The following GRIK2 variants were observed in gnomAD, a reference collection of about 807,000 sequenced individuals.
GRIK2 encodes glutamate receptor ionotropic, kainate 2.
GRIK2 carries 32 observed loss-of-function variants against 100.3 expected under a neutral mutation model. That is an observed-to-expected ratio of 0.32 (90% CI 0.24 to 0.43). The LOEUF is 0.43. Ranked by LOEUF, GRIK2 falls within the 20% of genes least tolerant of loss-of-function variation. The pLI is 1.00. For missense variants in GRIK2, 843 were observed against 1,114.9 expected, an observed-to-expected ratio of 0.76 and a Z score of 3.47; for synonymous variants, 417 against 389.4, an observed-to-expected ratio of 1.07 and a Z score of -0.83.
chr6:101,477,711 A>G (rs185187983), intron 2 of GRIK2, among the ~76,000 whole-genome samples: 1 of 152,234 alleles, frequency 6.6e-6, no homozygotes, highest in Admixed American at 6.5e-5. Flanking sequence ...TAAGGTCACC[A>G]TCTGCCACAT....
intron 2 of GRIK2, among the ~76,000 whole-genome samples, chr6:101,597,185 G>A (rs537447754): frequency 6.6e-6 from 1 of 151,624 alleles, no homozygotes. Flanking sequence ...CTAAATATTG[G>A]GTATACATGA....
chr6:101,838,946 C>T (rs1227042655), intron 10 of GRIK2, among the ~76,000 whole-genome samples: 1 of 151,992 alleles, frequency 6.6e-6, no homozygotes. Context: ...AGCCACTGTG[C>T]CCAGAAATAC....
chr6:101,980,147 T>C (rs574760743), intron 14 of GRIK2, among the ~76,000 whole-genome samples: 347 of 152,098 alleles, frequency 2.3e-3, no homozygotes, highest in South Asian at 4.1e-3. Context: ...TTCTACATAG[T>C]GCTCTTCCAC....
At chr6:101,998,782 G>T (rs551854618) in intron 14 of GRIK2, among the ~76,000 whole-genome samples, 2 of 145,832 alleles carry the variant, frequency 1.4e-5, no homozygotes, top group South Asian at 2.2e-4. Flanking sequence ...TCACTTGAGC[G>T]TATATGTGTG....
intron 2 of GRIK2, among the ~76,000 whole-genome samples, chr6:101,451,118 G>A (rs986752566): frequency 6.6e-6 from 1 of 151,500 alleles, no homozygotes; most frequent in Non-Finnish European, 1.5e-5. Flanking sequence ...TAGATTAATC[G>A]TTGCACAGTC....
intron 2 of GRIK2, among the ~76,000 whole-genome samples, chr6:101,470,063 C>T (rs1448954062): frequency 6.6e-6 from 1 of 152,178 alleles, no homozygotes. Flanking sequence ...CTCTGTGGGG[C>T]CTTCCTATTG....
intron 2 of GRIK2, among the ~76,000 whole-genome samples, chr6:101,411,808 C>A (rs1775895143): frequency 6.6e-6 from 1 of 152,012 alleles, no homozygotes. Context: ...CACAACCAAC[C>A]CCATAGCCCA....
At chr6:101,682,666 A>G (rs1771364281) in intron 6 of GRIK2, 60 bp downstream of exon 6, 2 of 766,198 alleles carry the variant, frequency 2.6e-6, no homozygotes, top group Non-Finnish European at 4.5e-6. Flanking sequence ...TTTCAGATGA[A>G]AAATAGGTTT....
intron 14 of GRIK2, among the ~76,000 whole-genome samples, chr6:101,980,972 G>T (rs1328410227): frequency 1.4e-5 from 2 of 144,516 alleles, no homozygotes; most frequent in East Asian, 2.1e-4. Context: ...TGTTTTCTTG[G>T]ATCCCTACTT....
intron 14 of GRIK2, among the ~76,000 whole-genome samples, chr6:101,975,318 A>T (rs1309238158): frequency 6.6e-6 from 1 of 151,984 alleles, no homozygotes; most frequent in Non-Finnish European, 1.5e-5. Context: ...GGGGAAGTGT[A>T]GGGTGAAGAG....
chr6:102,056,792 A>G (rs1771482973), intron 16 of GRIK2, among the ~76,000 whole-genome samples: 1 of 151,952 alleles, frequency 6.6e-6, no homozygotes, highest in African/African-American at 2.4e-5. Flanking sequence ...TGGATACAGT[A>G]TTTGTACATT....
At chr6:101,635,851 A>G (rs1780980058) in intron 4 of GRIK2, among the ~76,000 whole-genome samples, 1 of 152,196 alleles carries the variant, frequency 6.6e-6, no homozygotes, top group South Asian at 2.1e-4. Flanking sequence ...TCAGGAAACA[A>G]CAGATGCTGG....
At chr6:101,973,262 G>A (rs981167727) in intron 14 of GRIK2, among the ~76,000 whole-genome samples, 4 of 151,772 alleles carry the variant, frequency 2.6e-5, no homozygotes, top group Non-Finnish European at 5.9e-5. Flanking sequence ...GTTGGATCTA[G>A]AATTCAGTAT....
intron 14 of GRIK2, among the ~76,000 whole-genome samples, chr6:102,027,444 T>A (rs1769762716): frequency 6.6e-6 from 1 of 151,248 alleles, no homozygotes; most frequent in Non-Finnish European, 1.5e-5. Context: ...CAAGATATTT[T>A]GGGTGTTGTA....
intron 13 of GRIK2, among the ~76,000 whole-genome samples, chr6:101,925,267 CG>C (rs377507658): frequency 6.6e-6 from 1 of 151,956 alleles, no homozygotes; most frequent in African/African-American, 2.4e-5. Context: ...ATTGCATGCT[CG>C]GAAGTGCATG....
At chr6:101,460,505 A>T (rs1393398975) in intron 2 of GRIK2, among the ~76,000 whole-genome samples, 3 of 152,212 alleles carry the variant, frequency 2.0e-5, no homozygotes, top group Admixed American at 6.5e-5. Context: ...ATGCATTCTT[A>T]TCATTAACAG....
chr6:101,416,549 A>G (rs970413298), intron 2 of GRIK2, among the ~76,000 whole-genome samples: 1 of 152,196 alleles, frequency 6.6e-6, no homozygotes, highest in Non-Finnish European at 1.5e-5. Flanking sequence ...CTTTAGGGAA[A>G]TGAAGTTGTT....
Position 101,859,416 on chromosome 6 carries a change from G to C in GRIK2, c.1447G>C (p.Val483Leu). The C allele has an allele frequency of 1.9e-6, 3 of 1,609,350 alleles. No homozygotes were observed. Among genetic ancestry groups the C allele is most frequent in the Non-Finnish European group, 2.6e-6 (3 of 1,175,820 alleles). ...ILGFTYEIRL[V>L]EDGKYGAQDD... The stretch of plus-strand genomic sequence containing the variant: ...TGGCTTTACATATGAAATTAGACTT[G>C]TGGAAGATGGGAAATATGGAGCCCA... The change falls in exon 11 of 17, where the codon GTG (valine) becomes CTG (leucine). Residue 483 changes from valine (V) to leucine (L), a missense_variant. This residue lies in a region of GRIK2 where 519 missense variants were observed against 643.8 expected (regional missense o/e 0.81). Coordinates refer to ENST00000369134, the MANE Select transcript of GRIK2 (RefSeq NM_021956.5).
chr6:101,682,719 T>G (rs1771368004), intron 6 of GRIK2, 113 bp downstream of exon 6: 1 of 532,390 alleles, frequency 1.9e-6, no homozygotes, highest in South Asian at 3.1e-5. Flanking sequence ...TAGTTATATT[T>G]TAATTTGATA....
Sources: gnomAD v4.1 joint callset for allele counts (sites outside exome capture counted in the v4.1 genomes callset) on GRCh38, gnomAD v4.1.1 for gene constraint, gnomAD v4.1.1 regional missense constraint, MANE v1.5 for transcripts, NCBI Gene and HGNC (gene_info 2026-07-23, HGNC 2026-07-21) for gene names.